DPP8: variants seen among roughly 807,000 people sequenced by gnomAD.
The protein encoded by DPP8 is dipeptidyl peptidase 8.
Under a neutral mutation model 107.5 loss-of-function variants are expected in DPP8, and 31 were observed. The ratio of observed to expected loss-of-function variants is 0.29; its 90% CI spans 0.22 to 0.39. The LOEUF (loss-of-function observed/expected upper bound fraction) is 0.39. Among genes scored for constraint, DPP8 ranks in the 10% least tolerant of loss-of-function variants. The pLI is 1.00. For synonymous variants in DPP8, 381 were observed against 356.6 expected (o/e 1.07, Z -0.77); for missense variants, 842 against 1,076.1 (o/e 0.78, Z 3.04).
At chr15:65,511,724 C>CCA (rs983658042) in intron 2 of DPP8, among the ~76,000 whole-genome samples, 9 of 49,460 alleles carry the variant, frequency 1.8e-4, no homozygotes, top group East Asian at 5.2e-4. Context: ...CATACACACA[C>CCA]CACACACACA....
At chr15:65,490,056 A>G (rs2067871172) in intron 6 of DPP8, 133 bp downstream of exon 6, 2 of 630,718 alleles carry the variant, frequency 3.2e-6, no homozygotes, top group Non-Finnish European at 5.6e-6. Flanking sequence ...GCATGAATCA[A>G]TCATCATCAC....
intron 11 of DPP8, among the ~76,000 whole-genome samples, chr15:65,477,991 G>A (rs1242827837): frequency 6.6e-6 from 1 of 152,132 alleles, no homozygotes; most frequent in East Asian, 1.9e-4. Flanking sequence ...CCCAGGAAAA[G>A]TGTTCTATGT....
In DPP8 at chr15:65,444,180, A is replaced by C. The variant is rs1424324404; in HGVS notation, c.*2704T>G. 1 of 152,188 alleles carries C rather than the reference A, an allele frequency of 6.6e-6. No homozygotes were observed. The highest frequency in any genetic ancestry group is 1.5e-5 in the Non-Finnish European group (1 of 68,044). The allele number at this position is 152,188 out of a possible 1,614,324, so 9.4% of individuals were successfully genotyped here. A position where few individuals can be genotyped will look rare whatever the true frequency, so the allele number is the denominator to read the frequency against. The stretch of plus-strand genomic sequence containing the variant: ...GTGATTCACCCGCCTTGGCCTCCCA[A>C]AGTGCTAGGATTACAGGCGTGAGCC... On this transcript the variant is annotated 3_prime_UTR_variant, in exon 20 of 20. Coordinates refer to ENST00000300141, the MANE Select transcript of DPP8 (RefSeq NM_130434.5).
chr15:65,466,336 A>G (rs2065347686), intron 14 of DPP8, among the ~76,000 whole-genome samples: 1 of 152,052 alleles, frequency 6.6e-6, no homozygotes, highest in Non-Finnish European at 1.5e-5. Flanking sequence ...ACGGGGTTTT[A>G]CTAATTGGCC....
intron 5 of DPP8, among the ~76,000 whole-genome samples, chr15:65,494,976 G>C (rs1320143319): frequency 2.6e-5 from 4 of 152,100 alleles, no homozygotes; most frequent in Non-Finnish European, 5.9e-5. Flanking sequence ...ATATGATTAT[G>C]ATGATCACAC....
At chr15:65,514,296 T>A (rs568945340) in intron 1 of DPP8, among the ~76,000 whole-genome samples, 107 of 152,344 alleles carry the variant, frequency 7.0e-4, no homozygotes, top group South Asian at 1.5e-3. Context: ...TTGTAACAAA[T>A]GAGCATTCAC....
intron 4 of DPP8, 136 bp downstream of exon 4, chr15:65,500,470 G>A (rs528353808): frequency 4.5e-6 from 3 of 668,808 alleles, no homozygotes; most frequent in South Asian, 4.2e-5. Flanking sequence ...CATGTTTCTT[G>A]TTTTCATTGC....
At chr15:65,479,783 G>A (rs2066733237) in intron 10 of DPP8, among the ~76,000 whole-genome samples, 1 of 144,914 alleles carries the variant, frequency 6.9e-6, no homozygotes, top group Non-Finnish European at 1.5e-5. Context: ...AGCGGAGCTT[G>A]CAGTGAGCCG....
At chr15:65,494,119 T>C (rs2068320453) in intron 5 of DPP8, among the ~76,000 whole-genome samples, 1 of 149,648 alleles carries the variant, frequency 6.7e-6, no homozygotes, top group Admixed American at 6.7e-5. Context: ...TAATAAATGG[T>C]AGACTTGAAA....
intron 19 of DPP8, 103 bp from the exon 20 acceptor site, chr15:65,447,109 A>G: frequency 2.5e-6 from 2 of 816,050 alleles, no homozygotes; most frequent in South Asian, 3.8e-5. Context: ...AATAATACGA[A>G]GCACAGCCTC....
chr15:65,466,921 T>C, intron 13 of DPP8, 108 bp from the exon 14 acceptor site: 1 of 1,410,180 alleles, frequency 7.1e-7, no homozygotes, highest in Non-Finnish European at 9.7e-7. Flanking sequence ...AGACTATTTA[T>C]GTACATATAC....
intron 17 of DPP8, among the ~76,000 whole-genome samples, 173 bp downstream of exon 17, chr15:65,454,090 T>C (rs1267400624): frequency 6.7e-6 from 1 of 150,072 alleles, no homozygotes; most frequent in African/African-American, 2.5e-5. Flanking sequence ...TGAGCTGAGA[T>C]TGCGCCACTG....
chr15:65,502,552 T>C (rs1285588037), intron 3 of DPP8, among the ~76,000 whole-genome samples: 1 of 151,884 alleles, frequency 6.6e-6, no homozygotes, highest in Non-Finnish European at 1.5e-5. Context: ...CTGGTGCGCA[T>C]CTGTAGTCCC....
In DPP8 at chr15:65,499,225, C is replaced by T. The variant is rs140848459; in HGVS notation, c.547-1193G>A. ...AGGAAGTGGGAATTGATGCCCGTTA[C>T]CTTTCCTTTTTTTTTTTCTCTCTCT... On this transcript the variant is annotated intron_variant, in intron 4 of 19. Coordinates refer to ENST00000300141, the MANE Select transcript of DPP8 (RefSeq NM_130434.5). 1.0e-3 allele frequency among the ~76,000 whole-genome samples: 159 copies of T among 151,812 alleles called. 1 individual carries two copies. Among genetic ancestry groups the T allele is most frequent in the Non-Finnish European group, 2.0e-3 (137 of 67,958 alleles).
intron 11 of DPP8, chr15:65,475,430 T>C (rs975539460): frequency 5.5e-5 from 87 of 1,572,650 alleles, no homozygotes; most frequent in Non-Finnish European, 7.5e-5. Context: ...ATATACCTTA[T>C]TATGGCATTC....
At chr15:65,449,045 T>C (rs1056748748) in intron 19 of DPP8, among the ~76,000 whole-genome samples, 1 of 142,384 alleles carries the variant, frequency 7.0e-6, no homozygotes, top group Non-Finnish European at 1.5e-5. Flanking sequence ...CTGTCTCTAC[T>C]AAAAGTACAA....
intron 19 of DPP8, among the ~76,000 whole-genome samples, chr15:65,447,238 T>C (rs2063546006): frequency 2.6e-5 from 4 of 152,196 alleles, no homozygotes; most frequent in African/African-American, 2.4e-5. Context: ...GTTCTCTAAG[T>C]GTGGTCTGCA....
intron 7 of DPP8, 37 bp from the exon 8 acceptor site, chr15:65,485,197 C>T: frequency 5.5e-6 from 8 of 1,442,704 alleles, no homozygotes; most frequent in Non-Finnish European, 7.8e-6. Flanking sequence ...AATGTTTATC[C>T]AAAATTACTC....
chr15:65,473,185 C>T (rs1338247256), intron 12 of DPP8, among the ~76,000 whole-genome samples: 1 of 147,618 alleles, frequency 6.8e-6, no homozygotes, highest in South Asian at 2.2e-4. Context: ...ATTAGCCGGG[C>T]ATGGTGGTGT....
Sources: gnomAD v4.1 joint callset for allele counts (sites outside exome capture counted in the v4.1 genomes callset) on GRCh38, gnomAD v4.1.1 for gene constraint, MANE v1.5 for transcripts, NCBI Gene and HGNC (gene_info 2026-07-23, HGNC 2026-07-21) for gene names.